The following SLC22A3 variants were observed in gnomAD, a reference collection of about 807,000 sequenced individuals.
SLC22A3 encodes EMT organic cation transporter 3.
Under a neutral mutation model 59.1 loss-of-function variants are expected in SLC22A3, and 51 were observed. The observed-to-expected ratio is 0.86, with a 90% CI of 0.69 to 1.09. The LOEUF (loss-of-function observed/expected upper bound fraction) is 1.09. Ranked by LOEUF, SLC22A3 falls within the 50% of genes least tolerant of loss-of-function variation. The pLI, the probability that SLC22A3 is intolerant of heterozygous loss-of-function variation, is 0.00. For missense variants in SLC22A3, 711 were observed against 726.3 expected, an observed-to-expected ratio of 0.98 and a Z score of 0.24; for synonymous variants, 325 against 292.0, an observed-to-expected ratio of 1.11 and a Z score of -1.15.
intron 1 of SLC22A3, among the ~76,000 whole-genome samples, chr6:160,372,807 A>G (rs966092006): frequency 4.6e-5 from 7 of 152,080 alleles, no homozygotes; most frequent in African/African-American, 1.7e-4. Flanking sequence ...ATACTTGTGT[A>G]TGCTTCACAA....
At chr6:160,430,621 C>A (rs1457054212) in intron 5 of SLC22A3, among the ~76,000 whole-genome samples, 1 of 152,142 alleles carries the variant, frequency 6.6e-6, no homozygotes, top group East Asian at 1.9e-4. Flanking sequence ...ATGAATAGGG[C>A]AAATAGCAAT....
chr6:160,374,336 C>T (rs1785511575), intron 1 of SLC22A3, among the ~76,000 whole-genome samples: 1 of 152,136 alleles, frequency 6.6e-6, no homozygotes, highest in African/African-American at 2.4e-5. Context: ...GTGGGCTGCA[C>T]CCACTGTCTA....
intron 1 of SLC22A3, among the ~76,000 whole-genome samples, chr6:160,373,230 T>C (rs554942382): frequency 6.6e-6 from 1 of 152,314 alleles, no homozygotes; most frequent in Non-Finnish European, 1.5e-5. Context: ...TATTCCTTTA[T>C]GTTTGTTAGT....
At chr6:160,369,261 C>T (rs886828646) in intron 1 of SLC22A3, among the ~76,000 whole-genome samples, 2 of 152,168 alleles carry the variant, frequency 1.3e-5, no homozygotes, top group Non-Finnish European at 2.9e-5. Context: ...CTGTTTTTAT[C>T]AGGCCAAAAT....
At chr6:160,363,403 T>C (rs1455899045) in intron 1 of SLC22A3, among the ~76,000 whole-genome samples, 1 of 152,072 alleles carries the variant, frequency 6.6e-6, no homozygotes, top group East Asian at 1.9e-4. Context: ...GTGCCCCTCT[T>C]TGGGGGCTAG....
At chr6:160,433,157 TATATAGCCCTTTGCAGAA>T (rs1176564044) in intron 5 of SLC22A3, among the ~76,000 whole-genome samples, 2 of 152,198 alleles carry the variant, frequency 1.3e-5, no homozygotes, top group East Asian at 3.8e-4. Flanking sequence ...AAACATTTAA[TATATAGCCCTTTGCAGAA>T]AACGTTCGCC....
At chr6:160,425,653 C>G (rs1266334629) in intron 5 of SLC22A3, among the ~76,000 whole-genome samples, 1 of 151,920 alleles carries the variant, frequency 6.6e-6, no homozygotes, top group African/African-American at 2.4e-5. Flanking sequence ...TAAGACATGT[C>G]TTATATGCAA....
intron 7 of SLC22A3, among the ~76,000 whole-genome samples, chr6:160,441,453 CAT>C (rs920258554): frequency 6.6e-6 from 1 of 152,144 alleles, no homozygotes; most frequent in South Asian, 2.1e-4. Context: ...CAAGGGTTCT[CAT>C]GTGGGAAAAA....
Position 160,355,543 on chromosome 6 carries a change from C to T in SLC22A3, c.429+6695C>T, listed in dbSNP as rs180762130. On this transcript the variant is annotated intron_variant, in intron 1 of 10. Coordinates refer to ENST00000275300, the MANE Select transcript of SLC22A3 (RefSeq NM_021977.4). The stretch of plus-strand genomic sequence containing the variant: ...TTGGGAGGCCAAGGTGGGCAGATCA[C>T]GAGGTCAGGAGATCGAGACCATCCT... Among the ~76,000 whole-genome samples, 813 of 151,504 alleles carry T rather than the reference C, an allele frequency of 5.4e-3. 7 individuals are homozygous for T. Among genetic ancestry groups the T allele is most frequent in the African/African-American group, 0.018 (738 of 41,316 alleles).
intron 5 of SLC22A3, among the ~76,000 whole-genome samples, chr6:160,420,144 G>T (rs916816810): frequency 6.6e-6 from 1 of 152,168 alleles, no homozygotes; most frequent in Non-Finnish European, 1.5e-5. Flanking sequence ...GCATTGCTCA[G>T]GTCAGTGGGC....
chr6:160,366,380 C>A (rs1214243853), intron 1 of SLC22A3, among the ~76,000 whole-genome samples: 3 of 152,224 alleles, frequency 2.0e-5, no homozygotes, highest in Admixed American at 6.5e-5. Flanking sequence ...CCAGGTTACA[C>A]TGATGCAAGA....
Position 160,362,919 on chromosome 6 carries a change from A to T in SLC22A3, c.429+14071A>T, listed in dbSNP as rs1026608134. ...CCAGGAGGGTGCACGAGAACGTCCC[A>T]TCCAGGGACCCACGGATACTTCGTT... On this transcript the variant is annotated intron_variant, in intron 1 of 10. Transcript: ENST00000275300. Among the ~76,000 whole-genome samples, 47 of 152,136 alleles carry T rather than the reference A, an allele frequency of 3.1e-4. 1 individual carries two copies. Among genetic ancestry groups the T allele is most frequent in the Admixed American group, 1.6e-3 (24 of 15,308 alleles).
rs146704069 is a variant in SLC22A3, at chr6:160,363,883, C to T, written c.429+15035C>T. On this transcript the variant is annotated intron_variant, in intron 1 of 10. Transcript: ENST00000275300. ...CTTTCTTCTGCTTGCATCTGGGGTT[C>T]TCCCAGGCTGACCAGCTGTCCCCAC... Among the ~76,000 whole-genome samples, 86 of 151,944 alleles carry T rather than the reference C, an allele frequency of 5.7e-4. No homozygotes were observed. The East Asian group carries it at 0.016, about 28-fold the overall frequency.
chr6:160,438,646 T>C lies in SLC22A3; in HGVS notation c.1288+1435T>C, dbSNP rs148864600. Among the ~76,000 whole-genome samples, 955 of 151,716 alleles carry C rather than the reference T, an allele frequency of 6.3e-3. 15 individuals are homozygous for C. Among genetic ancestry groups the C allele is most frequent in the African/African-American group, 0.022 (920 of 41,322 alleles). On this transcript the variant is annotated intron_variant, in intron 7 of 10. Coordinates refer to ENST00000275300, the MANE Select transcript of SLC22A3 (RefSeq NM_021977.4). ...CACAATGTACAAGTCCCCTGACATG[T>C]TGGAATGTTTGATGATGAACAGCAA...
intron 1 of SLC22A3, among the ~76,000 whole-genome samples, chr6:160,355,346 G>T (rs111536434): frequency 6.6e-6 from 1 of 152,152 alleles, no homozygotes; most frequent in Non-Finnish European, 1.5e-5. Context: ...GCCTATAGAG[G>T]CTTTTCCCTC....
chr6:160,441,308 C>G (rs1267058344), intron 7 of SLC22A3, among the ~76,000 whole-genome samples: 1 of 152,158 alleles, frequency 6.6e-6, no homozygotes, highest in Admixed American at 6.5e-5. Context: ...CCCCCCTTTT[C>G]TTGGTCTTCA....
At chr6:160,421,587 C>A (rs1280591751) in intron 5 of SLC22A3, among the ~76,000 whole-genome samples, 2 of 152,178 alleles carry the variant, frequency 1.3e-5, no homozygotes, top group African/African-American at 4.8e-5. Flanking sequence ...CTACCCTGAG[C>A]CCCGGCAGTA....
chr6:160,431,521 C>G (rs1216030636), intron 5 of SLC22A3, among the ~76,000 whole-genome samples: 1 of 152,148 alleles, frequency 6.6e-6, no homozygotes, highest in Non-Finnish European at 1.5e-5. Context: ...ACAGGGAAGA[C>G]TGGTTTCACA....
chr6:160,441,302 C>T (rs57651207), intron 7 of SLC22A3, among the ~76,000 whole-genome samples: 1 of 152,074 alleles, frequency 6.6e-6, no homozygotes, highest in South Asian at 2.1e-4. Flanking sequence ...TCCACTCCCC[C>T]CTTTTCTTGG....
Sources: gnomAD v4.1 joint callset for allele counts (sites outside exome capture counted in the v4.1 genomes callset) on GRCh38, gnomAD v4.1.1 for gene constraint, MANE v1.5 for transcripts, NCBI Gene and HGNC (gene_info 2026-07-23, HGNC 2026-07-21) for gene names.